FAT4: variants seen among roughly 807,000 people sequenced by gnomAD.
FAT4 encodes the protein FAT atypical cadherin 4.
A neutral mutation model predicts 303.9 loss-of-function variants in FAT4; 84 were observed. The ratio of observed to expected loss-of-function variants is 0.28; its 90% CI spans 0.23 to 0.33. The LOEUF is 0.33. Ranked by LOEUF, FAT4 falls within the 10% of genes least tolerant of loss-of-function variation. FAT4 has a pLI of 1.00. For synonymous variants in FAT4, 2,307 were observed against 2,298.8 expected, an observed-to-expected ratio of 1.00 and a Z score of -0.10; for missense variants, 6,005 against 6,146.8, an observed-to-expected ratio of 0.98 and a Z score of 0.77.
intron 15 of FAT4, among the ~76,000 whole-genome samples, chr4:125,480,391 T>C (rs940817738): frequency 1.2e-4 from 18 of 152,274 alleles, no homozygotes; most frequent in Admixed American, 6.5e-5. Context: ...TTCATCATTG[T>C]CTTCTAAGCC....
chr4:125,437,198 G>A (rs1001714377), intron 8 of FAT4, among the ~76,000 whole-genome samples: 3 of 152,020 alleles, frequency 2.0e-5, no homozygotes, highest in African/African-American at 7.2e-5. Context: ...TTTGAGTGAG[G>A]ACACAGCCAA....
chr4:125,490,452 A>C lies in FAT4; in HGVS notation c.13636A>C (p.Lys4546Gln). The change falls in exon 18 of 18, where the codon AAG (lysine) becomes CAG (glutamine). Residue 4546 changes from lysine to glutamine, a missense_variant. Physicochemically the swap from Lys to Gln is moderately conservative, Grantham distance 53 (BLOSUM62 1). Coordinates refer to ENST00000394329, the MANE Select transcript of FAT4 (RefSeq NM_001291303.3). ...AAATCCCAAAGAGGAGAAGAAACCG[A>C]AGGAGAAGAAGAAAAAGGGAAGTGA... ...AKNPKEEKKP[K>Q]EKKKKGSENV... 6.2e-7 allele frequency: 1 copy of C among 1,614,140 alleles called. No homozygotes were observed. Among genetic ancestry groups the C allele is most frequent in the South Asian group, 1.1e-5 (1 of 91,082 alleles).
chr4:125,484,537 A>G (rs1199272788), intron 16 of FAT4, among the ~76,000 whole-genome samples: 4 of 152,144 alleles, frequency 2.6e-5, no homozygotes, highest in Non-Finnish European at 4.4e-5. Context: ...TATAGATTCA[A>G]ATTAAATAAA....
chr4:125,374,406 A>T (rs777491531), intron 2 of FAT4, among the ~76,000 whole-genome samples: 1 of 152,190 alleles, frequency 6.6e-6, no homozygotes, highest in East Asian at 1.9e-4. Context: ...GATATTCCAT[A>T]AGAGATTATT....
chr4:125,398,320 G>A (rs1430769966), intron 2 of FAT4, among the ~76,000 whole-genome samples: 1 of 152,140 alleles, frequency 6.6e-6, no homozygotes, highest in African/African-American at 2.4e-5. Context: ...GAAATTCTGA[G>A]TGATTCTTAA....
intron 8 of FAT4, among the ~76,000 whole-genome samples, chr4:125,438,361 T>C (rs1051130397): frequency 2.0e-5 from 3 of 152,170 alleles, no homozygotes; most frequent in Non-Finnish European, 2.9e-5. Context: ...GTAAATTTGG[T>C]CTAGAAAAAT....
chr4:125,487,401 G>T lies in FAT4; in HGVS notation c.12879G>T (p.Glu4293Asp). ...ATGCAGGAATTGCTGGGAAAGTGGAGAGAAATATTCCTGAAGTATATGTTG... is the reference window on the plus strand; with the variant it reads ...ATGCAGGAATTGCTGGGAAAGTGGATAGAAATATTCCTGAAGTATATGTTG... ...TSDAGIAGKV[E>D]RNIPEVYVAD... Residue 4293 changes from glutamate (E) to aspartate (D), a missense_variant, in exon 17 of 18, where the codon GAG becomes GAT. Transcript: ENST00000394329. 2 of 1,613,926 alleles carry T rather than the reference G, an allele frequency of 1.2e-6. No homozygotes were observed. Among genetic ancestry groups the T allele is most frequent in the Non-Finnish European group, 1.7e-6 (2 of 1,179,856 alleles).
In FAT4 at chr4:125,452,241, C is replaced by T; in HGVS notation, c.11231C>T (p.Thr3744Ile). Residue 3744 changes from threonine (T) to isoleucine (I), a missense_variant, in exon 10 of 18, where the codon ACA becomes ATA. Transcript: ENST00000394329. ...TTACGCATTGCCAGCTCACAGCTGA[C>T]AGGCTTAGGGACTGCTGTGCAACTG... ...HFLRIASSQL[T>I]GLGTAVQLYS... 1 of 1,614,222 alleles carries T rather than the reference C, an allele frequency of 6.2e-7. No homozygotes were observed. Among genetic ancestry groups the T allele is most frequent in the Non-Finnish European group, 8.5e-7 (1 of 1,180,032 alleles).
At chr4:125,358,197 T>C (rs1451293329) in intron 2 of FAT4, among the ~76,000 whole-genome samples, 1 of 152,134 alleles carries the variant, frequency 6.6e-6, no homozygotes, top group Non-Finnish European at 1.5e-5. Context: ...TTACCTGTTA[T>C]GTTAGGAGAA....
intron 2 of FAT4, among the ~76,000 whole-genome samples, chr4:125,328,777 A>T (rs1995808): frequency 0.16 from 24,153 of 152,100 alleles, 3,296 homozygotes; most frequent in African/African-American, 0.36. Context: ...AGGCTCATGG[A>T]GGTTGCTTAT....
intron 2 of FAT4, among the ~76,000 whole-genome samples, chr4:125,390,194 T>TG (rs1454149148): frequency 5.3e-5 from 8 of 152,208 alleles, no homozygotes; most frequent in Non-Finnish European, 1.2e-4. Flanking sequence ...GTTGAATTTT[T>TG]TTTTTGTTCC....
At chr4:125,459,371 G>C (rs900619446) in intron 10 of FAT4, among the ~76,000 whole-genome samples, 1 of 151,960 alleles carries the variant, frequency 6.6e-6, no homozygotes. Flanking sequence ...TGTTCAACAC[G>C]TCATCACATC....
At chr4:125,356,201 C>A (rs1167037000) in intron 2 of FAT4, among the ~76,000 whole-genome samples, 1 of 151,962 alleles carries the variant, frequency 6.6e-6, no homozygotes, top group South Asian at 2.1e-4. Flanking sequence ...CATTCCTCTG[C>A]TTGAGAAGAG....
At chr4:125,374,570 A>C (rs896610348) in intron 2 of FAT4, among the ~76,000 whole-genome samples, 6 of 152,216 alleles carry the variant, frequency 3.9e-5, no homozygotes, top group African/African-American at 1.4e-4. Context: ...AAATTTGAAA[A>C]ATATAATTCA....
intron 2 of FAT4, among the ~76,000 whole-genome samples, chr4:125,366,139 C>T (rs1326558082): frequency 6.6e-6 from 1 of 152,130 alleles, no homozygotes; most frequent in African/African-American, 2.4e-5. Flanking sequence ...TTGGGGACTG[C>T]TGATATAGGT....
In FAT4 at chr4:125,400,727, G is replaced by A. The variant is rs557406534; in HGVS notation, c.5307+1812G>A. Among the ~76,000 whole-genome samples, 319 of 145,136 alleles carry A rather than the reference G, an allele frequency of 2.2e-3. 2 individuals carry two copies. Among genetic ancestry groups the A allele is most frequent in the Non-Finnish European group, 3.6e-3 (237 of 65,372 alleles). The stretch of plus-strand genomic sequence containing the variant: ...TTGTTTTTTAAGTTTAAAAAAAAAT[G>A]TAAGTAACCTTGCAGATGTTATCAC... On this transcript the variant is annotated intron_variant, in intron 3 of 17. Transcript: ENST00000394329.
intron 7 of FAT4, among the ~76,000 whole-genome samples, chr4:125,432,779 T>C (rs1725324634): frequency 6.7e-6 from 1 of 150,156 alleles, no homozygotes; most frequent in Admixed American, 6.7e-5. Flanking sequence ...TGACTTTGTA[T>C]GTTAATTTAA....
intron 10 of FAT4, among the ~76,000 whole-genome samples, chr4:125,456,113 C>T (rs1407727115): frequency 1.3e-5 from 2 of 152,112 alleles, no homozygotes; most frequent in East Asian, 3.9e-4. Context: ...TTGAACCCCG[C>T]TGGAAGGGAG....
intron 2 of FAT4, among the ~76,000 whole-genome samples, chr4:125,385,850 C>T: frequency 6.6e-6 from 1 of 152,124 alleles, no homozygotes; most frequent in East Asian, 1.9e-4. Context: ...TTTCGTCCAG[C>T]TTTTTGTCAT....
Sources: allele counts gnomAD v4.1 joint callset (sites outside exome capture counted in the v4.1 genomes callset), GRCh38; gene constraint gnomAD v4.1.1; transcripts MANE v1.5; gene names NCBI Gene and HGNC (gene_info 2026-07-23, HGNC 2026-07-21).